IMPG1: variants seen among roughly 807,000 people sequenced by gnomAD.
IMPG1 encodes the protein interphotoreceptor matrix proteoglycan of 150 kDa.
IMPG1 carries 85 observed loss-of-function variants against 92.0 expected under a neutral mutation model. The observed-to-expected ratio is 0.92, with a 90% CI of 0.78 to 1.11. The LOEUF (loss-of-function observed/expected upper bound fraction) is 1.11. IMPG1 is among the 50% of genes least tolerant of loss of function. The pLI is 0.00. For missense variants in IMPG1, 1,022 were observed against 956.0 expected (o/e 1.07, Z -0.91); for synonymous variants, 367 against 334.1 (o/e 1.10, Z -1.08).
intron 12 of IMPG1, among the ~76,000 whole-genome samples, chr6:76,002,141 T>C (rs1783002578): frequency 6.6e-6 from 1 of 152,188 alleles, no homozygotes; most frequent in African/African-American, 2.4e-5. Flanking sequence ...CCTAGTATCC[T>C]GGGGCTTGTG....
intron 15 of IMPG1, among the ~76,000 whole-genome samples, chr6:75,924,691 T>TC (rs372911482): frequency 0.19 from 29 of 152 alleles, 13 homozygotes; most frequent in East Asian, 0.72. Context: ...ATATTATATA[T>TC]AAATAATTAT....
At chr6:76,001,528 T>C (rs1365346409) in intron 12 of IMPG1, among the ~76,000 whole-genome samples, 1 of 152,144 alleles carries the variant, frequency 6.6e-6, no homozygotes, top group Non-Finnish European at 1.5e-5. Context: ...CCTTAAGATA[T>C]TAGAATACTG....
At chr6:76,014,036 C>T (rs766201572) in intron 7 of IMPG1, among the ~76,000 whole-genome samples, 10 of 152,246 alleles carry the variant, frequency 6.6e-5, no homozygotes, top group South Asian at 2.1e-4. Flanking sequence ...GCTCTTTGTA[C>T]GGGATGGGGT....
chr6:76,011,092 T>TA, intron 8 of IMPG1, 74 bp downstream of exon 8: 3 of 828,458 alleles, frequency 3.6e-6, no homozygotes, highest in Non-Finnish European at 6.1e-6. Flanking sequence ...TTATAATCCT[T>TA]ATGGCATTGT....
chr6:75,958,615 T>A (rs1782166518), intron 12 of IMPG1, among the ~76,000 whole-genome samples: 1 of 151,860 alleles, frequency 6.6e-6, no homozygotes. Flanking sequence ...TCTAATCTTT[T>A]ATTCATTGAG....
chr6:76,038,556 A>G (rs1783782310), intron 2 of IMPG1, among the ~76,000 whole-genome samples: 1 of 152,054 alleles, frequency 6.6e-6, no homozygotes, highest in Non-Finnish European at 1.5e-5. Context: ...TATCAAAAAA[A>G]CCCTTGAAAA....
intron 1 of IMPG1, among the ~76,000 whole-genome samples, chr6:76,046,252 G>A (rs560466445): frequency 4.7e-4 from 71 of 152,022 alleles, no homozygotes; most frequent in African/African-American, 1.5e-3. Context: ...TCTAAAAAGC[G>A]TATTGGAGTA....
intron 14 of IMPG1, among the ~76,000 whole-genome samples, chr6:75,938,641 C>T (rs1372474340): frequency 3.9e-5 from 6 of 151,994 alleles, no homozygotes; most frequent in Middle Eastern, 3.4e-3. Flanking sequence ...GGTGAAACCC[C>T]GTCTCCACTA....
intron 12 of IMPG1, among the ~76,000 whole-genome samples, chr6:75,987,066 T>C (rs1246883935): frequency 1.3e-5 from 2 of 152,216 alleles, no homozygotes; most frequent in Non-Finnish European, 2.9e-5. Context: ...CAGGTTCCAT[T>C]TTCCATATTG....
chr6:76,059,968 A>G (rs374787238), intron 1 of IMPG1, among the ~76,000 whole-genome samples: 1 of 152,206 alleles, frequency 6.6e-6, no homozygotes, highest in East Asian at 1.9e-4. Context: ...AAGACAGACA[A>G]ATTAGTTCTA....
intron 12 of IMPG1, among the ~76,000 whole-genome samples, chr6:75,991,877 G>A (rs1782818768): frequency 6.6e-6 from 1 of 152,118 alleles, no homozygotes; most frequent in Non-Finnish European, 1.5e-5. Context: ...AACGTATAAG[G>A]CACCTTGTTT....
intron 1 of IMPG1, among the ~76,000 whole-genome samples, chr6:76,048,035 G>A (rs1465715587): frequency 6.6e-6 from 1 of 152,076 alleles, no homozygotes; most frequent in African/African-American, 2.4e-5. Context: ...AATAATCAAT[G>A]GGACCAATTA....
intron 1 of IMPG1, among the ~76,000 whole-genome samples, chr6:76,046,867 G>A (rs1377882640): frequency 6.6e-6 from 1 of 151,940 alleles, no homozygotes; most frequent in Non-Finnish European, 1.5e-5. Flanking sequence ...TTTTCTTTTA[G>A]TAAGATCTCT....
chr6:75,981,179 A>C (rs1048947829), intron 12 of IMPG1, among the ~76,000 whole-genome samples: 1 of 152,206 alleles, frequency 6.6e-6, no homozygotes, highest in Non-Finnish European at 1.5e-5. Flanking sequence ...TTCATTATAG[A>C]TAGTCTGCTG....
chr6:76,025,354 A>T, intron 4 of IMPG1, 96 bp from the exon 5 acceptor site: 2 of 580,552 alleles, frequency 3.4e-6, no homozygotes, highest in South Asian at 5.3e-5. Flanking sequence ...AGTAAACCTA[A>T]AAGTTATAGG....
intron 12 of IMPG1, among the ~76,000 whole-genome samples, chr6:75,996,943 A>G (rs932901395): frequency 5.9e-5 from 9 of 152,364 alleles, no homozygotes; most frequent in South Asian, 2.1e-4. Flanking sequence ...TCTCTTCACT[A>G]GAGGGCAGAA....
At chr6:76,068,520 T>TC (rs898334864) in intron 1 of IMPG1, among the ~76,000 whole-genome samples, 1 of 148,986 alleles carries the variant, frequency 6.7e-6, no homozygotes, top group Non-Finnish European at 1.5e-5. Flanking sequence ...CTTTTTTTTT[T>TC]TTTTTTTTTT....
chr6:75,987,911 T>C (rs1782745634), intron 12 of IMPG1, among the ~76,000 whole-genome samples: 1 of 152,122 alleles, frequency 6.6e-6, no homozygotes, highest in South Asian at 2.1e-4. Context: ...CCTCCCAAAG[T>C]GCTGGGATTA....
At chr6:75,937,473 C>T (rs1781765406) in intron 14 of IMPG1, among the ~76,000 whole-genome samples, 1 of 152,098 alleles carries the variant, frequency 6.6e-6, no homozygotes, top group Non-Finnish European at 1.5e-5. Flanking sequence ...GAAGATGGCA[C>T]ACAAATCTGG....
Sources: allele counts gnomAD v4.1 joint callset (sites outside exome capture counted in the v4.1 genomes callset), GRCh38; gene constraint gnomAD v4.1.1; transcripts MANE v1.5; gene names NCBI Gene and HGNC (gene_info 2026-07-23, HGNC 2026-07-21).